The following ARHGEF3 variants were observed in gnomAD, a reference collection of about 807,000 sequenced individuals.
ARHGEF3 encodes the protein 59.8 kDA protein.
In ARHGEF3, 28 loss-of-function variants were observed where a neutral mutation model predicts 63.2. The observed-to-expected ratio is 0.44, with a 90% CI of 0.33 to 0.61. The LOEUF (loss-of-function observed/expected upper bound fraction) is 0.61. Among genes scored for constraint, ARHGEF3 ranks in the 20% least tolerant of loss-of-function variants. The pLI is 0.03. For synonymous variants in ARHGEF3, 266 were observed against 254.2 expected, an observed-to-expected ratio of 1.05 and a Z score of -0.44; for missense variants, 533 against 659.3, an observed-to-expected ratio of 0.81 and a Z score of 2.10.
chr3:56,758,475 A>G (rs981642948), intron 2 of ARHGEF3, among the ~76,000 whole-genome samples: 9 of 152,092 alleles, frequency 5.9e-5, no homozygotes, highest in African/African-American at 1.9e-4. Flanking sequence ...ATAAATGAAA[A>G]ATGTAAAAAG....
chr3:56,899,348 T>G (rs1281516668), intron 3 of ARHGEF3, among the ~76,000 whole-genome samples: 1 of 152,244 alleles, frequency 6.6e-6, no homozygotes, highest in Non-Finnish European at 1.5e-5. Context: ...GTTATTACTT[T>G]GTCAATTCAT....
intron 2 of ARHGEF3, among the ~76,000 whole-genome samples, chr3:56,995,620 C>CGAGAGAGAGAGAGAGAGAGAGA (rs66778716): frequency 2.5e-4 from 28 of 113,226 alleles, no homozygotes; most frequent in South Asian, 6.0e-4. Flanking sequence ...GTAAATTTTC[C>CGAGAGAGAGAGAGAGAGAGAGA]GAGAGAGAGA....
chr3:56,738,828 T>G (rs977788107), intron 7 of ARHGEF3, among the ~76,000 whole-genome samples: 9 of 152,092 alleles, frequency 5.9e-5, no homozygotes, highest in African/African-American at 2.2e-4. Context: ...CGGTGGCTCA[T>G]GCCTGTGATC....
chr3:57,028,037 A>C (rs1411656718), intron 2 of ARHGEF3, among the ~76,000 whole-genome samples: 1 of 151,386 alleles, frequency 6.6e-6, no homozygotes, highest in Non-Finnish European at 1.5e-5. Context: ...AAAAGTCAGG[A>C]AACAACAGGT....
chr3:57,075,697 T>C (rs1164632874), intron 1 of ARHGEF3, among the ~76,000 whole-genome samples: 1 of 151,988 alleles, frequency 6.6e-6, no homozygotes, highest in Non-Finnish European at 1.5e-5. Context: ...ATAGTCCCAG[T>C]TACTCAGGAG....
chr3:56,787,300 G>A (rs1172148166), intron 1 of ARHGEF3, among the ~76,000 whole-genome samples: 1 of 152,112 alleles, frequency 6.6e-6, no homozygotes, highest in African/African-American at 2.4e-5. Context: ...TGTGCAGAGG[G>A]CCACTTGACC....
At chr3:57,022,115 T>A (rs1397018577) in intron 2 of ARHGEF3, among the ~76,000 whole-genome samples, 2 of 151,934 alleles carry the variant, frequency 1.3e-5, no homozygotes, top group African/African-American at 2.4e-5. Flanking sequence ...TACAAAAAAA[T>A]TTTAAAAATT....
intron 2 of ARHGEF3, among the ~76,000 whole-genome samples, chr3:56,759,500 CT>C (rs1213144144): frequency 6.6e-6 from 1 of 151,892 alleles, no homozygotes; most frequent in Admixed American, 6.6e-5. Flanking sequence ...TTGACAGTAT[CT>C]TGAGGTGAAA....
At chr3:56,732,923 G>A (rs758086682) in intron 8 of ARHGEF3, among the ~76,000 whole-genome samples, 30 of 152,080 alleles carry the variant, frequency 2.0e-4, no homozygotes, top group Non-Finnish European at 3.2e-4. Flanking sequence ...TGAAGTGGGC[G>A]GATCACTTGA....
In ARHGEF3 at chr3:56,966,369, G is replaced by C. The variant is rs149317925; in HGVS notation, c.63-7480C>G. On this transcript the variant is annotated intron_variant, in intron 2 of 12. Coordinates refer to the ARHGEF3 transcript ENST00000338458. ...GTTGACAGTGACTGATTACATAGCT[G>C]GGGTGGTATTTAGACAGCATAAATG... Among the ~76,000 whole-genome samples the C allele has an allele frequency of 8.4e-4, 128 of 152,324 alleles. 1 individual carries two copies. Among genetic ancestry groups the C allele is most frequent in the African/African-American group, 2.8e-3 (117 of 41,574 alleles).
chr3:57,002,424 C>CTATA (rs55778548), intron 2 of ARHGEF3, among the ~76,000 whole-genome samples: 15,932 of 62,628 alleles, frequency 0.25, 2,489 homozygotes, highest in East Asian at 0.43. Context: ...GTTCTAAGCA[C>CTATA]TATATATATA....
intron 4 of ARHGEF3, among the ~76,000 whole-genome samples, chr3:56,839,130 C>A (rs1224918996): frequency 1.3e-5 from 2 of 150,720 alleles, no homozygotes; most frequent in Admixed American, 1.3e-4. Flanking sequence ...TGGAGTGAGA[C>A]CTTGTCTCAA....
At chr3:56,874,608 G>A (rs528449478) in intron 4 of ARHGEF3, among the ~76,000 whole-genome samples, 3 of 152,198 alleles carry the variant, frequency 2.0e-5, no homozygotes, top group East Asian at 3.9e-4. Context: ...TTGTGCTTTG[G>A]GCATGCACAT....
intron 4 of ARHGEF3, among the ~76,000 whole-genome samples, chr3:56,854,606 AG>A (rs879765115): frequency 2.4e-4 from 36 of 152,152 alleles, no homozygotes; most frequent in Non-Finnish European, 4.7e-4. Context: ...TGAAAGGTAG[AG>A]TCACTGGGCT....
At chr3:56,792,416 G>A (rs1480176268) in intron 1 of ARHGEF3, among the ~76,000 whole-genome samples, 1 of 152,158 alleles carries the variant, frequency 6.6e-6, no homozygotes, top group Non-Finnish European at 1.5e-5. Flanking sequence ...CAGAGGCCAT[G>A]GTCATGGAGC....
intron 1 of ARHGEF3, among the ~76,000 whole-genome samples, chr3:57,058,325 AC>A: frequency 6.6e-6 from 1 of 152,314 alleles, no homozygotes. Flanking sequence ...AAATGCCATT[AC>A]AGTTTTACAT....
At chr3:56,809,097 G>C (rs1423209522) in intron 4 of ARHGEF3, among the ~76,000 whole-genome samples, 1 of 152,190 alleles carries the variant, frequency 6.6e-6, no homozygotes, top group Non-Finnish European at 1.5e-5. Context: ...AGAAATGCTT[G>C]AGTGCCAAGA....
At chr3:56,800,597 T>C (rs911339883) in intron 1 of ARHGEF3, among the ~76,000 whole-genome samples, 4 of 152,086 alleles carry the variant, frequency 2.6e-5, no homozygotes, top group African/African-American at 9.7e-5. Context: ...CTCCCGAATA[T>C]ACATGATTCA....
At chr3:56,765,970 G>C (rs2035683173) in intron 2 of ARHGEF3, among the ~76,000 whole-genome samples, 1 of 151,708 alleles carries the variant, frequency 6.6e-6, no homozygotes, top group African/African-American at 2.4e-5. Context: ...AACTGCAAAA[G>C]TATAATTGTA....
Sources: gnomAD v4.1 joint callset for allele counts (sites outside exome capture counted in the v4.1 genomes callset) on GRCh38, gnomAD v4.1.1 for gene constraint, MANE v1.5 for transcripts, NCBI Gene and HGNC (gene_info 2026-07-23, HGNC 2026-07-21) for gene names.